DCX: variants seen among roughly 807,000 people sequenced by gnomAD.
DCX encodes doublecortin, also known as neuronal migration protein doublecortin.
Under a neutral mutation model 20.9 loss-of-function variants are expected in DCX, and 4 were observed. The observed-to-expected ratio is 0.19, with a 90% CI of 0.09 to 0.44. The LOEUF is 0.44. DCX is among the 20% of genes least tolerant of loss of function. The pLI, the probability that DCX is intolerant of heterozygous loss-of-function variation, is 0.99. For synonymous variants in DCX, 103 were observed against 111.4 expected (o/e 0.92, Z 0.47); for missense variants, 133 against 296.9 (o/e 0.45, Z 4.06).
intron 2 of DCX, among the ~76,000 whole-genome samples, chrX:111,405,884 T>G (rs1264403842): frequency 9.0e-6 from 1 of 110,907 alleles, no homozygotes; most frequent in East Asian, 2.8e-4. Flanking sequence ...ATGCTTCCCT[T>G]GATACTTTCT....
intron 3 of DCX, among the ~76,000 whole-genome samples, chrX:111,352,680 A>G (rs1308511733): frequency 1.8e-5 from 2 of 111,381 alleles, no homozygotes; most frequent in African/African-American, 6.5e-5. Context: ...GGAACACCAA[A>G]TAGGGTTTGG....
intron 5 of DCX, among the ~76,000 whole-genome samples, chrX:111,329,430 A>G (rs2095107087): frequency 8.9e-6 from 1 of 111,847 alleles, no homozygotes; most frequent in Admixed American, 9.5e-5. Context: ...TATGAAAATG[A>G]ACCTACCACA....
At chrX:111,331,723 T>C (rs1462681586) in intron 4 of DCX, among the ~76,000 whole-genome samples, 1 of 112,297 alleles carries the variant, frequency 8.9e-6, no homozygotes, top group Non-Finnish European at 1.9e-5. Flanking sequence ...TGCCCTAGCC[T>C]CAGTCTGACA....
chrX:111,400,421 G>A lies in DCX; in HGVS notation c.705+569C>T, dbSNP rs138271945. Among the ~76,000 whole-genome samples, 250 of 111,645 alleles carry A rather than the reference G, an allele frequency of 2.2e-3. 2 individuals carry two copies. Among genetic ancestry groups the A allele is most frequent in the African/African-American group, 7.7e-3 (236 of 30,755 alleles). Reference sequence around the variant, plus strand: ...TCCCTTTCTCACACAAACCATCAGTGGAACCAAATTAAGACAGCTATGTCA... The same window carrying A: ...TCCCTTTCTCACACAAACCATCAGTAGAACCAAATTAAGACAGCTATGTCA... On this transcript the variant is annotated intron_variant, in intron 3 of 6. Transcript: ENST00000636035.
chrX:111,394,253 AT>A (rs1321249374), intron 3 of DCX, among the ~76,000 whole-genome samples: 1 of 112,083 alleles, frequency 8.9e-6, no homozygotes, highest in African/African-American at 3.2e-5. Context: ...AAGCCACATG[AT>A]TCCATTATTA....
intron 5 of DCX, among the ~76,000 whole-genome samples, chrX:111,329,001 G>T (rs767039667): frequency 2.7e-5 from 3 of 111,807 alleles, no homozygotes; most frequent in Non-Finnish European, 5.6e-5. Flanking sequence ...TTCACAGCAG[G>T]ATACAAGTAA....
At chrX:111,399,699 TAGAC>T (rs1927621209) in intron 3 of DCX, among the ~76,000 whole-genome samples, 2 of 111,880 alleles carry the variant, frequency 1.8e-5, no homozygotes, top group Non-Finnish European at 3.8e-5. Flanking sequence ...GGCCTATACT[TAGAC>T]AGCTCCTGTT....
At chrX:111,369,795 T>A (rs150376989) in intron 3 of DCX, among the ~76,000 whole-genome samples, 1,799 of 111,818 alleles carry the variant, frequency 0.016, 40 homozygotes, top group African/African-American at 0.055. Flanking sequence ...AAAGGATGCA[T>A]CTTTCAAATG....
At chrX:111,362,034 G>C (rs1924251970) in intron 3 of DCX, among the ~76,000 whole-genome samples, 1 of 111,406 alleles carries the variant, frequency 9.0e-6, no homozygotes, top group Non-Finnish European at 1.9e-5. Flanking sequence ...ATATGAGAGG[G>C]ACTGGGGATT....
At chrX:111,332,526 G>T (rs190490728) in intron 4 of DCX, among the ~76,000 whole-genome samples, 56 of 111,622 alleles carry the variant, frequency 5.0e-4, no homozygotes, top group Admixed American at 4.2e-3. Context: ...ATGGGAAGAC[G>T]ATTAGATCCT....
intron 5 of DCX, among the ~76,000 whole-genome samples, chrX:111,313,969 T>C (rs937243349): frequency 9.1e-6 from 1 of 110,460 alleles, no homozygotes; most frequent in Non-Finnish European, 1.9e-5. Context: ...AGCAGAAAGA[T>C]GGCCTGATAG....
intron 4 of DCX, among the ~76,000 whole-genome samples, chrX:111,332,245 C>T (rs139389823): frequency 1.1e-4 from 12 of 112,056 alleles, no homozygotes; most frequent in Non-Finnish European, 2.3e-4. Context: ...TTGGACATAA[C>T]CTGAGGTTTG....
rs760929190 is a variant in DCX, at chrX:111,410,198, C to G, written c.201G>C (p.Gly67=). 2.5e-6 allele frequency: 3 copies of G among 1,211,666 alleles called. No homozygotes were observed. Among genetic ancestry groups the G allele is most frequent in the South Asian group, 3.5e-5 (2 of 56,958 alleles). ...GGTCAGAGGACACAGCGTACACAAT[C>G]CCCTTGAAGTAGCGGTCCCCATTGC... is the stretch of plus-strand genomic sequence containing the variant. ...FYRNGDRYFK[G]IVYAVSSDRF... Residue 67 remains glycine, a synonymous_variant, in exon 2 of 7, where the codon GGG becomes GGC. Coordinates refer to ENST00000636035, the MANE Select transcript of DCX (RefSeq NM_001195553.2).
chrX:111,404,707 A>T (rs768111326), intron 2 of DCX, among the ~76,000 whole-genome samples: 1 of 112,115 alleles, frequency 8.9e-6, no homozygotes, highest in East Asian at 2.8e-4. Context: ...TTCAGAAAAC[A>T]AAGCTGTTAG....
intron 6 of DCX, among the ~76,000 whole-genome samples, chrX:111,306,636 T>C (rs1160147540): frequency 4.5e-5 from 5 of 111,396 alleles, no homozygotes; most frequent in South Asian, 7.6e-4. Flanking sequence ...CAAGCTCCCA[T>C]GGAACATCCT....
chrX:111,391,605 C>T (rs906735224), intron 3 of DCX, among the ~76,000 whole-genome samples: 9 of 110,743 alleles, frequency 8.1e-5, no homozygotes, highest in Middle Eastern at 4.7e-3. Context: ...TGGGGGGAAG[C>T]GCTGTTCTGT....
chrX:111,364,947 C>T (rs986506045), intron 3 of DCX, among the ~76,000 whole-genome samples: 10 of 109,446 alleles, frequency 9.1e-5, no homozygotes, highest in Non-Finnish European at 1.5e-4. Context: ...TGCCATGGTG[C>T]GATCTCACTG....
At chrX:111,372,305 TCAAA>T (rs888641730) in intron 3 of DCX, among the ~76,000 whole-genome samples, 1 of 111,965 alleles carries the variant, frequency 8.9e-6, no homozygotes, top group African/African-American at 3.2e-5. Context: ...CTGCAGTCGC[TCAAA>T]CAAAGGGTTG....
chrX:111,378,034 A>G (rs1263009503), intron 3 of DCX, among the ~76,000 whole-genome samples: 1 of 111,663 alleles, frequency 9.0e-6, no homozygotes, highest in African/African-American at 3.3e-5. Context: ...GGGGCCAAGC[A>G]CCAAGCATAG....
Sources: allele counts gnomAD v4.1 joint callset (sites outside exome capture counted in the v4.1 genomes callset), GRCh38; gene constraint gnomAD v4.1.1; transcripts MANE v1.5; gene names NCBI Gene and HGNC (gene_info 2026-07-23, HGNC 2026-07-21).